The following ANGPT1 variants were observed in gnomAD, a reference collection of about 807,000 sequenced individuals.
ANGPT1 encodes angiopoietin-1.
A neutral mutation model predicts 62.2 loss-of-function variants in ANGPT1; 17 were observed. That is an observed-to-expected ratio of 0.27 (90% CI 0.19 to 0.41). The LOEUF (loss-of-function observed/expected upper bound fraction) is 0.41, where lower values mean the gene tolerates loss of function less well. ANGPT1 is among the 10% of genes least tolerant of loss of function. The probability of loss-of-function intolerance (pLI) is 1.00; values close to 1 mark genes in which losing one functional copy is unlikely to be tolerated. For synonymous variants in ANGPT1, 199 were observed against 198.9 expected, an observed-to-expected ratio of 1.00 and a Z score of 0.00; for missense variants, 478 against 594.9, an observed-to-expected ratio of 0.80 and a Z score of 2.04.
At chr8:107,380,302 A>G (rs961813586) in intron 1 of ANGPT1, among the ~76,000 whole-genome samples, 5 of 152,010 alleles carry the variant, frequency 3.3e-5, no homozygotes, top group Non-Finnish European at 4.4e-5. Flanking sequence ...TGATATAATC[A>G]ATCAACTAGT....
chr8:107,264,582 A>G (rs547116809), intron 7 of ANGPT1, among the ~76,000 whole-genome samples: 1 of 152,338 alleles, frequency 6.6e-6, no homozygotes, highest in Admixed American at 6.5e-5. Flanking sequence ...ATACTGCAGG[A>G]TCCAGAAAAC....
chr8:107,474,610 A>G (rs940622706), intron 1 of ANGPT1, among the ~76,000 whole-genome samples: 2 of 152,176 alleles, frequency 1.3e-5, no homozygotes, highest in African/African-American at 2.4e-5. Flanking sequence ...GAAAGAAATA[A>G]AGGGTATTCA....
At chr8:107,257,727 A>C (rs1284472392) in intron 8 of ANGPT1, among the ~76,000 whole-genome samples, 3 of 152,092 alleles carry the variant, frequency 2.0e-5, no homozygotes, top group Non-Finnish European at 2.9e-5. Flanking sequence ...TCTCTTGGTG[A>C]GTTTATGTGG....
chr8:107,404,773 T>C (rs1817115128), intron 1 of ANGPT1, among the ~76,000 whole-genome samples: 1 of 152,200 alleles, frequency 6.6e-6, no homozygotes, highest in Admixed American at 6.5e-5. Context: ...AATGACACAC[T>C]GCTCTCCAAA....
intron 1 of ANGPT1, among the ~76,000 whole-genome samples, chr8:107,491,240 T>C (rs1812945894): frequency 6.7e-6 from 1 of 150,196 alleles, no homozygotes; most frequent in Admixed American, 6.6e-5. Context: ...AAATAGAGAG[T>C]CGCTCATTCT....
intron 4 of ANGPT1, among the ~76,000 whole-genome samples, chr8:107,312,250 C>T (rs1366181395): frequency 6.6e-6 from 1 of 152,166 alleles, no homozygotes; most frequent in Non-Finnish European, 1.5e-5. Flanking sequence ...TTCAGGAGCT[C>T]ATTTTATTCA....
intron 4 of ANGPT1, among the ~76,000 whole-genome samples, chr8:107,306,648 G>T (rs535368471): frequency 6.6e-6 from 1 of 152,190 alleles, no homozygotes; most frequent in African/African-American, 2.4e-5. Flanking sequence ...CATTGCAAGT[G>T]TCAGCACCAG....
At chr8:107,389,007 C>T (rs907264839) in intron 1 of ANGPT1, among the ~76,000 whole-genome samples, 1 of 152,096 alleles carries the variant, frequency 6.6e-6, no homozygotes, top group African/African-American at 2.4e-5. Flanking sequence ...TACATTTATT[C>T]ACACAGTTAA....
chr8:107,330,782 G>T (rs1815402312), intron 3 of ANGPT1, among the ~76,000 whole-genome samples: 1 of 152,112 alleles, frequency 6.6e-6, no homozygotes, highest in Non-Finnish European at 1.5e-5. Flanking sequence ...CTGGTGAGTT[G>T]TGGGGGATTA....
chr8:107,345,914 G>T (rs1815794620), intron 2 of ANGPT1, among the ~76,000 whole-genome samples: 1 of 152,116 alleles, frequency 6.6e-6, no homozygotes, highest in Admixed American at 6.6e-5. Context: ...TACTAATCAA[G>T]GGAGATAGAA....
intron 1 of ANGPT1, among the ~76,000 whole-genome samples, chr8:107,352,630 T>A (rs535374301): frequency 6.6e-6 from 1 of 152,308 alleles, no homozygotes; most frequent in South Asian, 2.1e-4. Flanking sequence ...AGGGGTCTCT[T>A]AAACCAGAGC....
rs562786921 is a variant in ANGPT1, at chr8:107,382,494, G to A, written c.298-35397C>T. Among the ~76,000 whole-genome samples the A allele has an allele frequency of 9.5e-4, 144 of 151,846 alleles. 1 individual carries two copies. Among genetic ancestry groups the A allele is most frequent in the Non-Finnish European group, 1.8e-3 (122 of 67,944 alleles). ...TGCTCCATAGCACCAGGGTATTGCAGATATCCAACAGTGCTGTGCTGATAA... is the reference window on the plus strand; with the variant it reads ...TGCTCCATAGCACCAGGGTATTGCAAATATCCAACAGTGCTGTGCTGATAA... On this transcript the variant is annotated intron_variant, in intron 1 of 8. Transcript: ENST00000517746.
At chr8:107,362,978 A>G (rs1461570595) in intron 1 of ANGPT1, among the ~76,000 whole-genome samples, 1 of 152,166 alleles carries the variant, frequency 6.6e-6, no homozygotes, top group Non-Finnish European at 1.5e-5. Context: ...AACTGGGGGA[A>G]ATGTCTTGGT....
intron 1 of ANGPT1, among the ~76,000 whole-genome samples, chr8:107,464,008 T>G (rs1368490): frequency 6.6e-6 from 1 of 151,402 alleles, no homozygotes; most frequent in Admixed American, 6.6e-5. Flanking sequence ...ACTTAACATT[T>G]GCTTCAGTTT....
chr8:107,483,489 G>A (rs776945388), intron 1 of ANGPT1, among the ~76,000 whole-genome samples: 18 of 152,004 alleles, frequency 1.2e-4, no homozygotes, highest in Admixed American at 2.0e-4. Context: ...CTTCACAAGT[G>A]TTTATTAATT....
At chr8:107,382,252 C>T (rs1029327517) in intron 1 of ANGPT1, among the ~76,000 whole-genome samples, 13 of 152,204 alleles carry the variant, frequency 8.5e-5, no homozygotes, top group African/African-American at 2.9e-4. Flanking sequence ...AATTTTGACA[C>T]AGCATTTATA....
At chr8:107,462,149 A>C (rs1194092040) in intron 1 of ANGPT1, among the ~76,000 whole-genome samples, 2 of 152,086 alleles carry the variant, frequency 1.3e-5, no homozygotes, top group African/African-American at 4.8e-5. Context: ...AGTTCAATTA[A>C]ACCCTATTGT....
At chr8:107,381,666 A>C (rs963709632) in intron 1 of ANGPT1, among the ~76,000 whole-genome samples, 4 of 152,208 alleles carry the variant, frequency 2.6e-5, no homozygotes, top group African/African-American at 9.6e-5. Context: ...CTTTCAAGGG[A>C]ATCCCTGCTA....
chr8:107,308,775 T>C (rs748220978), intron 4 of ANGPT1, among the ~76,000 whole-genome samples: 1 of 152,168 alleles, frequency 6.6e-6, no homozygotes, highest in African/African-American at 2.4e-5. Flanking sequence ...ATCTTTGTCA[T>C]CTAAAGGGAT....
Sources: gnomAD v4.1 joint callset for allele counts (sites outside exome capture counted in the v4.1 genomes callset) on GRCh38, gnomAD v4.1.1 for gene constraint, MANE v1.5 for transcripts, NCBI Gene and HGNC (gene_info 2026-07-23, HGNC 2026-07-21) for gene names.